Variants in RANBP2 observed in about 807,000 individuals in gnomAD.
RANBP2 encodes RAN binding protein 2.
A neutral mutation model predicts 303.6 loss-of-function variants in RANBP2; 57 were observed. The observed-to-expected ratio is 0.19, with a 90% CI of 0.15 to 0.23. RANBP2 has a LOEUF of 0.23. Ranked by LOEUF, RANBP2 falls within the 10% of genes least tolerant of loss-of-function variation. RANBP2 has a pLI of 1.00. For synonymous variants in RANBP2, 1,167 were observed against 1,301.5 expected, an observed-to-expected ratio of 0.90 and a Z score of 2.23; for missense variants, 3,138 against 3,780.8, an observed-to-expected ratio of 0.83 and a Z score of 4.46.
chr2:109,282,092 C>G, the RANBP2 span, among the ~76,000 whole-genome samples: 1 of 152,064 alleles, frequency 6.6e-6, no homozygotes, highest in East Asian at 1.9e-4. Context: ...AAGCCTGTCT[C>G]TAGTTGCATT....
At chr2:109,351,597 C>T in the RANBP2 span, among the ~76,000 whole-genome samples, 2 of 152,226 alleles carry the variant, frequency 1.3e-5, no homozygotes, top group African/African-American at 4.8e-5. Flanking sequence ...CTATGCAGGG[C>T]CCACGCTGCT....
the RANBP2 span, among the ~76,000 whole-genome samples, chr2:108,798,210 G>A: frequency 1.3e-5 from 2 of 152,160 alleles, no homozygotes; most frequent in African/African-American, 2.4e-5. Flanking sequence ...CATCATCACA[G>A]TGGACTCTTA....
chr2:109,633,254 G>A, the RANBP2 span, among the ~76,000 whole-genome samples: 3 of 151,992 alleles, frequency 2.0e-5, no homozygotes, highest in African/African-American at 4.8e-5. Context: ...TTAGCCGGAC[G>A]TGGTGGTGCT....
chr2:109,159,553 T>A, the RANBP2 span, among the ~76,000 whole-genome samples: 2 of 152,236 alleles, frequency 1.3e-5, no homozygotes, highest in African/African-American at 4.8e-5. Context: ...TGAGTACAGT[T>A]GAGAAATCTG....
At chr2:109,348,742 C>T in the RANBP2 span, among the ~76,000 whole-genome samples, 1 of 152,140 alleles carries the variant, frequency 6.6e-6, no homozygotes, top group East Asian at 1.9e-4. Flanking sequence ...CTCTCTCCCT[C>T]CTGCTTCCCC....
chr2:109,330,642 G>A, the RANBP2 span, among the ~76,000 whole-genome samples: 69 of 152,208 alleles, frequency 4.5e-4, 1 homozygote, highest in African/African-American at 1.6e-3. Context: ...AGGGAGAGAC[G>A]GAAGGGAGGG....
the RANBP2 span, among the ~76,000 whole-genome samples, chr2:109,044,889 G>T: frequency 6.6e-6 from 1 of 152,162 alleles, no homozygotes; most frequent in Non-Finnish European, 1.5e-5. Context: ...TCATGTAAAA[G>T]AGGTGATTTC....
the RANBP2 span, among the ~76,000 whole-genome samples, chr2:109,361,583 C>T: frequency 1.3e-5 from 2 of 152,196 alleles, no homozygotes; most frequent in African/African-American, 4.8e-5. Flanking sequence ...AAGCAATTCT[C>T]CTGCCTCAGC....
At chr2:109,427,228 C>T in the RANBP2 span, among the ~76,000 whole-genome samples, 2 of 152,142 alleles carry the variant, frequency 1.3e-5, no homozygotes, top group African/African-American at 2.4e-5. Context: ...CTCAGGCTAC[C>T]AAAGTGCTGG....
At chr2:109,537,544 T>C in the RANBP2 span, among the ~76,000 whole-genome samples, 483 of 150,196 alleles carry the variant, frequency 3.2e-3, 4 homozygotes, top group African/African-American at 0.011. Flanking sequence ...AAAGTCATAC[T>C]GGTCTTATGA....
the RANBP2 span, chr2:109,544,988 A>G: frequency 1.0e-6 from 1 of 985,458 alleles, no homozygotes; most frequent in Non-Finnish European, 1.2e-6. Flanking sequence ...AATCTGCCAA[A>G]GTCCTGTGGT....
At chr2:108,941,951 G>C in the RANBP2 span, among the ~76,000 whole-genome samples, 1 of 152,242 alleles carries the variant, frequency 6.6e-6, no homozygotes, top group South Asian at 2.1e-4. Flanking sequence ...AGAGAGGCCT[G>C]TCCATGCCAC....
chr2:109,133,155 C>T, the RANBP2 span, among the ~76,000 whole-genome samples: 11 of 152,198 alleles, frequency 7.2e-5, no homozygotes, highest in Admixed American at 2.6e-4. Flanking sequence ...TGACCGGTGT[C>T]ACTCCAGAAT....
At chr2:109,177,710 G>A in the RANBP2 span, among the ~76,000 whole-genome samples, 2 of 152,110 alleles carry the variant, frequency 1.3e-5, no homozygotes, top group African/African-American at 4.8e-5. Context: ...GAATAACTTA[G>A]GACAGGTAGA....
the RANBP2 span, among the ~76,000 whole-genome samples, chr2:109,744,556 AT>A: frequency 2.0e-5 from 2 of 98,670 alleles, no homozygotes; most frequent in African/African-American, 5.6e-5. Context: ...TATACAAAGA[AT>A]TCTTAATAGC....
At chr2:108,811,051 C>T in the RANBP2 span, among the ~76,000 whole-genome samples, 1 of 151,528 alleles carries the variant, frequency 6.6e-6, no homozygotes. Flanking sequence ...CTTTTTGTTT[C>T]CGATTTTTCC....
the RANBP2 span, among the ~76,000 whole-genome samples, chr2:109,228,053 A>G: frequency 1.3e-5 from 2 of 152,220 alleles, no homozygotes; most frequent in South Asian, 4.1e-4. Flanking sequence ...AGTGATGCCC[A>G]GACACAGGTA....
At chr2:109,312,002 G>A in the RANBP2 span, among the ~76,000 whole-genome samples, 1 of 151,052 alleles carries the variant, frequency 6.6e-6, no homozygotes, top group East Asian at 1.9e-4. Context: ...TGCTGCTGGT[G>A]CTGTCCAGTT....
chr2:109,147,801 A>G, the RANBP2 span, among the ~76,000 whole-genome samples: 2 of 152,248 alleles, frequency 1.3e-5, no homozygotes, highest in Non-Finnish European at 2.9e-5. Context: ...ATTGGAGCCT[A>G]GCCCATTGAT....
Sources: allele counts gnomAD v4.1 joint callset (sites outside exome capture counted in the v4.1 genomes callset), GRCh38; gene constraint gnomAD v4.1.1; transcripts MANE v1.5; gene names NCBI Gene and HGNC (gene_info 2026-07-23, HGNC 2026-07-21).